The following PHF8 variants were observed in gnomAD, a reference collection of about 807,000 sequenced individuals.
PHF8 encodes the protein PHD finger protein 8, also known as histone lysine demethylase PHF8.
In PHF8, 9 loss-of-function variants were observed where a neutral mutation model predicts 74.4. The observed-to-expected ratio is 0.12, with a 90% CI of 0.07 to 0.21. The LOEUF is 0.21. PHF8 is among the 10% of genes least tolerant of loss of function. The pLI is 1.00. For missense variants in PHF8, 478 were observed against 816.6 expected (o/e 0.59, Z 5.05); for synonymous variants, 311 against 316.6 (o/e 0.98, Z 0.19).
intron 19 of PHF8, among the ~76,000 whole-genome samples, chrX:53,957,530 A>AAAAC (rs782255392): frequency 5.4e-5 from 6 of 111,280 alleles, no homozygotes; most frequent in African/African-American, 1.3e-4. Context: ...AAATAAATAA[A>AAAAC]AAACAAACAA....
In PHF8 at chrX:53,985,019, T is replaced by C. The variant is rs2149827173; in HGVS notation, c.2338A>G (p.Ile780Val). 1.7e-6 allele frequency: 2 copies of C among 1,211,007 alleles called. No individual in the cohort carries two copies. Among genetic ancestry groups the C allele is most frequent in the Non-Finnish European group, 2.2e-6 (2 of 894,684 alleles). Residue 780 changes from isoleucine (I) to valine (V), a missense_variant, in exon 18 of 22, where the codon ATC (isoleucine) becomes GTC (valine). Physicochemically the swap from Ile to Val is conservative, Grantham distance 29. Transcript: ENST00000338154. ...GTTCTCCAGTATGCTGGCCGCTTGA[T>C]GGGCCGCTTCCCTGGGGTGCGCTGG... ...ASQRTPGKRP[I>V]KRPAYWRTES...
intron 18 of PHF8, among the ~76,000 whole-genome samples, chrX:53,966,388 C>T (rs908983035): frequency 4.4e-5 from 5 of 112,752 alleles, no homozygotes; most frequent in South Asian, 7.2e-4. Context: ...CGTGCCGCCA[C>T]GCCTGACTGG....
upstream of PHF8, among the ~76,000 whole-genome samples, chrX:54,047,804 G>A (rs1337324292): frequency 9.0e-6 from 1 of 111,627 alleles, no homozygotes; most frequent in Non-Finnish European, 1.9e-5. Context: ...GTCTATTTTA[G>A]ATAAGGTAGT....
rs782056952 is a variant in PHF8 at position 53,938,907 on chromosome X, T to C, written c.*251A>G. The C allele has an allele frequency of 1.0e-6, 1 of 953,656 alleles. No homozygotes were observed. The highest frequency in any genetic ancestry group is 1.3e-6 in the Non-Finnish European group (1 of 764,252). 78.6% of individuals were successfully genotyped at this position (953,656 alleles called of 1,213,427 possible). A position where few individuals can be genotyped will look rare whatever the true frequency, so the allele number is the denominator to read the frequency against. Reference sequence around the variant, plus strand: ...GGTTTGGACGAGTAGAAAAGAGGGTTCTAGTCAGCTGGAAACCTCTCCCAT... The same window carrying C: ...GGTTTGGACGAGTAGAAAAGAGGGTCCTAGTCAGCTGGAAACCTCTCCCAT... On this transcript the variant is annotated 3_prime_UTR_variant, in exon 22 of 22. Coordinates refer to ENST00000338154, the MANE Select transcript of PHF8 (RefSeq NM_015107.3).
Position 54,014,386 on chromosome X carries a change from A to G in PHF8, c.774T>C (p.His258=). ...CCATGCGCATTCCTACCTTGAGTAC[A>G]TGGTACCAGACAGAGGTGCCACCAA... ...IDFGGTSVWY[H]VLKGEKIFYL... The change falls in exon 7 of 22, where the codon CAT becomes CAC. Residue 258 remains histidine, a synonymous_variant. Transcript: ENST00000338154. The G allele has an allele frequency of 8.3e-7, 1 of 1,206,100 alleles. No individual in the cohort carries two copies. Among genetic ancestry groups the G allele is most frequent in the Non-Finnish European group, 1.1e-6 (1 of 890,317 alleles).
rs1557082132 is a variant in PHF8, at chrX:53,937,654, C to T, written c.*1504G>A. ...TGATTCCAAGGAAGGAAAGTAGAGG[C>T]AGGGCTATGGAGAAAAGAAAGACAA... is the stretch of plus-strand genomic sequence containing the variant. On this transcript the variant is annotated 3_prime_UTR_variant, in exon 22 of 22. Coordinates refer to ENST00000338154, the MANE Select transcript of PHF8 (RefSeq NM_015107.3). 1 of 214,587 alleles carries T rather than the reference C, an allele frequency of 4.7e-6. No individual in the cohort carries two copies. The highest frequency in any genetic ancestry group is 8.5e-6 in the Non-Finnish European group (1 of 117,746). The allele number at this position is 214,587 out of a possible 1,213,427, so 17.7% of individuals were successfully genotyped here.
chrX:53,979,296 C>T (rs1368455093), intron 18 of PHF8, among the ~76,000 whole-genome samples: 2 of 111,112 alleles, frequency 1.8e-5, no homozygotes, highest in South Asian at 3.8e-4. Flanking sequence ...GCAGAAGAAT[C>T]GCTTGAACCG....
At chrX:53,963,551 A>T (rs782538065) in intron 18 of PHF8, among the ~76,000 whole-genome samples, 1 of 112,237 alleles carries the variant, frequency 8.9e-6, no homozygotes, top group South Asian at 3.7e-4. Context: ...AAAAACAAAC[A>T]ATCCCATCAA....
intron 19 of PHF8, among the ~76,000 whole-genome samples, chrX:53,961,523 C>T (rs1035704793): frequency 4.2e-4 from 47 of 111,150 alleles, no homozygotes; most frequent in African/African-American, 1.3e-3. Flanking sequence ...AACGACGTTT[C>T]ACCATGTCGG....
chrX:53,957,259 A>G (rs1181914942), intron 19 of PHF8, among the ~76,000 whole-genome samples: 2 of 109,670 alleles, frequency 1.8e-5, no homozygotes, highest in African/African-American at 6.6e-5. Context: ...AGGAGGCTGA[A>G]GCAGAATTGC....
At chrX:54,005,893 C>T (rs2065891145) in intron 8 of PHF8, among the ~76,000 whole-genome samples, 1 of 111,674 alleles carries the variant, frequency 9.0e-6, no homozygotes, top group South Asian at 3.7e-4. Context: ...TACCCTGAAA[C>T]TCTAAAGACC....
upstream of PHF8, among the ~76,000 whole-genome samples, chrX:54,045,492 T>G (rs1296818676): frequency 1.2e-4 from 13 of 112,510 alleles, no homozygotes; most frequent in Admixed American, 1.1e-3. Flanking sequence ...GGAGGGCATC[T>G]GCCAGTGCAG....
intron 4 of PHF8, 32 bp downstream of exon 4, chrX:54,022,227 A>G: frequency 5.8e-6 from 5 of 869,130 alleles, no homozygotes; most frequent in Non-Finnish European, 8.6e-6. Context: ...GAGCCCTGGC[A>G]TTCACCAGCC....
At chrX:53,952,160 T>C (rs782276212) in intron 19 of PHF8, among the ~76,000 whole-genome samples, 31 of 109,783 alleles carry the variant, frequency 2.8e-4, no homozygotes, top group Non-Finnish European at 5.7e-4. Context: ...GGCAGGCACC[T>C]GTAATCCCAG....
At chrX:54,028,066 G>A (rs1267535059) in intron 2 of PHF8, among the ~76,000 whole-genome samples, 1 of 110,105 alleles carries the variant, frequency 9.1e-6, no homozygotes, top group Non-Finnish European at 1.9e-5. Flanking sequence ...ATATTAGATA[G>A]GGAAGACAGG....
intron 2 of PHF8, among the ~76,000 whole-genome samples, chrX:54,038,810 T>G (rs1444262739): frequency 9.0e-6 from 1 of 111,369 alleles, no homozygotes; most frequent in East Asian, 2.8e-4. Flanking sequence ...TATTCCATAA[T>G]CCCTAGCTGG....
chrX:54,006,406 T>TGGGA (rs1557105322), intron 8 of PHF8, among the ~76,000 whole-genome samples: 1 of 109,621 alleles, frequency 9.1e-6, no homozygotes, highest in Non-Finnish European at 1.9e-5. Flanking sequence ...TGCTTGAGCC[T>TGGGA]GGGAGGTCAA....
Position 54,017,689 on chromosome X carries a change from G to A in PHF8, c.426C>T (p.Phe142=). 8.3e-7 allele frequency: 1 copy of A among 1,208,398 alleles called. No individual in the cohort carries two copies. The highest frequency in any genetic ancestry group is 1.1e-6 in the Non-Finnish European group (1 of 892,448). The change falls in exon 5 of 22, where the codon TTC becomes TTT. Residue 142 remains phenylalanine (F), a synonymous_variant. Coordinates refer to ENST00000338154, the MANE Select transcript of PHF8 (RefSeq NM_015107.3). Reference sequence around the variant, plus strand: ...CATAGTGTTCAACATCCCTCACAGTGAATGATGGCGAGGGCAGCGTCATGC... The same window carrying A: ...CATAGTGTTCAACATCCCTCACAGTAAATGATGGCGAGGGCAGCGTCATGC... ...GLGMTLPSPS[F]TVRDVEHYVG... is the part of the protein sequence containing the mutation.
chrX:53,996,755 C>A (rs1298459591), intron 11 of PHF8, among the ~76,000 whole-genome samples: 1 of 111,133 alleles, frequency 9.0e-6, no homozygotes, highest in Non-Finnish European at 1.9e-5. Flanking sequence ...CCATGTTGGC[C>A]AGGCTGGTCT....
Sources: allele counts gnomAD v4.1 joint callset (sites outside exome capture counted in the v4.1 genomes callset), GRCh38; gene constraint gnomAD v4.1.1; transcripts MANE v1.5; gene names NCBI Gene and HGNC (gene_info 2026-07-23, HGNC 2026-07-21).